The following DCTN1 variants were observed in gnomAD, a reference collection of about 807,000 sequenced individuals.
The protein encoded by DCTN1 is 150 kDa dynein-associated polypeptide.
DCTN1 carries 61 observed loss-of-function variants against 161.2 expected under a neutral mutation model. That is an observed-to-expected ratio of 0.38 (90% CI 0.31 to 0.47). The LOEUF is 0.47. DCTN1 is among the 20% of genes least tolerant of loss of function. DCTN1 has a pLI of 0.99. For synonymous variants in DCTN1, 653 were observed against 632.4 expected (o/e 1.03, Z -0.49); for missense variants, 1,404 against 1,623.7 (o/e 0.86, Z 2.33).
At chr2:74,371,285 G>A (rs1048565096) in intron 8 of DCTN1, 109 bp from the exon 9 acceptor site, 5 of 1,601,426 alleles carry the variant, frequency 3.1e-6, no homozygotes, top group Non-Finnish European at 4.2e-6. Flanking sequence ...CCAGCCCCAG[G>A]GTGGCCAACA....
At chr2:74,390,722 C>T in intron 1 of DCTN1, 1 of 400,966 alleles carries the variant, frequency 2.5e-6, no homozygotes, top group South Asian at 1.8e-5. Context: ...TTAGCATCAC[C>T]TGGGAACTTG....
At chr2:74,391,111 A>C (rs1675976086) in intron 1 of DCTN1, 1 of 152,836 alleles carries the variant, frequency 6.5e-6, no homozygotes, top group Admixed American at 6.5e-5. Flanking sequence ...CTCATAGCTT[A>C]GGCTTTGGCA....
Position 74,368,018 on chromosome 2 carries a change from C to G in DCTN1, c.1968G>C (p.Leu656=). 6.2e-7 allele frequency: 1 copy of G among 1,614,178 alleles called. No individual in the cohort carries two copies. The highest frequency in any genetic ancestry group is 1.1e-5 in the South Asian group (1 of 91,082). ...AGEQLSFAAG[L]VYSLSLLQAT... ...CCTGCAGCAGGCTCAGCGAGTACAC[C>G]AGTCCAGCAGCAAAGCTGAGTTGCT... Residue 656 remains leucine, a synonymous_variant, in exon 17 of 32, where the codon CTG becomes CTC. Coordinates refer to ENST00000628224, the MANE Select transcript of DCTN1 (RefSeq NM_004082.5).
chr2:74,380,473 C>T (rs1268990071), upstream of DCTN1: 3 of 476,856 alleles, frequency 6.3e-6, no homozygotes, highest in Non-Finnish European at 1.3e-5. Flanking sequence ...AGTCTTGACA[C>T]GTCCTCCTAG....
In DCTN1 at chr2:74,363,077, T is replaced by C. The variant is rs1418527795; in HGVS notation, c.3446A>G (p.Tyr1149Cys). 6 of 1,613,874 alleles carry C rather than the reference T, an allele frequency of 3.7e-6. No individual in the cohort carries two copies. The African/African-American group carries it at 8.0e-5, about 22-fold the overall frequency. ...PGSELPAGAL[Y>C]RKTSQLLETL... ...CTCCAGCAGCTGGCTGGTCTTACGA[T>C]ACAGCGCTCCAGCTGGTAACTCACT... The change falls in exon 29 of 32, where the codon TAT becomes TGT. Residue 1149 changes from tyrosine to cysteine, a missense_variant. By Grantham distance (194) the Tyr-to-Cys change is radical. This residue lies in a region of DCTN1 where 311 missense variants were observed against 298.9 expected (regional missense o/e 1.04). Coordinates refer to ENST00000628224, the MANE Select transcript of DCTN1 (RefSeq NM_004082.5).
rs2268425 is a variant in DCTN1, at chr2:74,368,356, G to A, written c.1855-225C>T. ...GGATGTGAAAATGAAAGGGTAGTGG[G>A]ACCGGTGGAATCAAGGTCTTTCCTG... On this transcript the variant is annotated intron_variant, in intron 16 of 31. Coordinates refer to ENST00000628224, the MANE Select transcript of DCTN1 (RefSeq NM_004082.5). 27,145 of 644,956 alleles carry A rather than the reference G, an allele frequency of 0.042. 1,012 individuals carry two copies. The highest frequency in any genetic ancestry group is 0.18 in the East Asian group (6,388 of 35,658). The allele number at this position is 644,956 out of a possible 1,614,324, so 40.0% of individuals were successfully genotyped here.
chr2:74,363,696 C>G, intron 26 of DCTN1, 68 bp from the exon 27 acceptor site: 1 of 1,598,216 alleles, frequency 6.3e-7, no homozygotes, highest in South Asian at 1.1e-5. Flanking sequence ...TTGGGGGTTA[C>G]GGGGACACAC....
At chr2:74,386,745 ATC>A (rs1308584261) in intron 1 of DCTN1, 1 of 152,162 alleles carries the variant, frequency 6.6e-6, no homozygotes, top group African/African-American at 2.4e-5. Context: ...ATATGTCATT[ATC>A]TCTTTCTTCC....
exon 1 of DCTN1, chr2:74,391,865 GCCCCGCCCT>G (rs542389912): frequency 1.5e-5 from 7 of 452,642 alleles, no homozygotes; most frequent in South Asian, 6.2e-5. Context: ...TGCGGGGCCG[GCCCCGCCCT>G]CCCCGCCCTC....
chr2:74,363,882 G>A, intron 26 of DCTN1: 1 of 585,944 alleles, frequency 1.7e-6, no homozygotes, highest in Non-Finnish European at 3.1e-6. Flanking sequence ...GTGGCAAAGA[G>A]AGTGTGCACT....
chr2:74,367,023 A>G, intron 20 of DCTN1, 22 bp downstream of exon 20: 1 of 1,614,212 alleles, frequency 6.2e-7, no homozygotes, highest in Admixed American at 1.7e-5. Flanking sequence ...AGGAGCTCAC[A>G]CAGATCTAGA....
chr2:74,363,304 C>T lies in DCTN1; in HGVS notation c.3335G>A (p.Ser1112Asn), dbSNP rs767781038. ...LHISQLQHEN[S>N]ILKGAQMKAS... Reference sequence around the variant, plus strand: ...CCGTGGCTCCCTCACCTTGAGGATGCTGTTCTCATGCTGGAGCTGGGAGAT... The same window carrying T: ...CCGTGGCTCCCTCACCTTGAGGATGTTGTTCTCATGCTGGAGCTGGGAGAT... Residue 1112 changes from serine to asparagine, a missense_variant, in exon 28 of 32, where the codon AGC becomes AAC. Ser to Asn is a conservative substitution (Grantham distance 46). Around this residue, in one of 9 missense-constraint regions of DCTN1, gnomAD observed 311 missense variants for 298.9 expected, o/e 1.04. Transcript: ENST00000628224. The T allele has an allele frequency of 6.2e-7, 1 of 1,614,026 alleles. No individual in the cohort carries two copies. The highest frequency in any genetic ancestry group is 2.2e-5 in the East Asian group (1 of 44,880).
At chr2:74,366,053 G>A in intron 23 of DCTN1, 35 bp from the exon 24 acceptor site, 16 of 1,614,024 alleles carry the variant, frequency 9.9e-6, no homozygotes, top group Non-Finnish European at 1.4e-5. Flanking sequence ...AGAAAGTGAG[G>A]GTGGAGAGAA....
intron 16 of DCTN1, 168 bp from the exon 17 acceptor site, chr2:74,368,299 G>C: frequency 1.1e-6 from 1 of 874,126 alleles, no homozygotes; most frequent in Non-Finnish European, 1.8e-6. Flanking sequence ...GGAAAGGGTA[G>C]TGATGTGATT....
chr2:74,369,500 C>T lies in DCTN1; in HGVS notation c.1393-9G>A. Reference sequence around the variant, plus strand: ...ATCTCATTCATCGCTTCCTAGGACACCACACCATAGTTTGGGCTAAAGAAA... The same window carrying T: ...ATCTCATTCATCGCTTCCTAGGACATCACACCATAGTTTGGGCTAAAGAAA... On this transcript the variant is annotated splice_polypyrimidine_tract_variant and intron_variant, in intron 13 of 31. Coordinates refer to ENST00000628224, the MANE Select transcript of DCTN1 (RefSeq NM_004082.5). This position sits in a 1 kb window ranked among gnomAD's most constrained non-coding sequence, Gnocchi z 4.9. 1 of 1,611,392 alleles carries T rather than the reference C, an allele frequency of 6.2e-7. No homozygotes were observed. The highest frequency in any genetic ancestry group is 8.5e-7 in the Non-Finnish European group (1 of 1,179,944).
intron 1 of DCTN1, 116 bp downstream of exon 1, chr2:74,379,889 G>C: frequency 9.4e-7 from 1 of 1,066,534 alleles, no homozygotes; most frequent in Non-Finnish European, 1.4e-6. Context: ...AACACAGTCT[G>C]AGTGCCCTCA....
At chr2:74,381,815 T>C (rs547825059), upstream of DCTN1, among the ~76,000 whole-genome samples, 17 of 152,324 alleles carry the variant, frequency 1.1e-4, no homozygotes, top group African/African-American at 3.8e-4. Context: ...TCGTGAGGAT[T>C]AGCTGAGATA....
At chr2:74,362,216 CAG>C in intron 30 of DCTN1, 75 bp from the exon 31 acceptor site, 1 of 1,347,818 alleles carries the variant, frequency 7.4e-7, no homozygotes, top group Non-Finnish European at 1.1e-6. Flanking sequence ...CGTGGTTTCA[CAG>C]AGACACTAAT....
chr2:74,366,092 G>C, intron 23 of DCTN1, 74 bp from the exon 24 acceptor site: 1 of 1,612,940 alleles, frequency 6.2e-7, no homozygotes, highest in Non-Finnish European at 8.5e-7. Context: ...CTTACAGAGA[G>C]ATCCAGTTAC....
Sources: gnomAD v4.1 joint callset for allele counts (sites outside exome capture counted in the v4.1 genomes callset) on GRCh38, gnomAD v4.1.1 for gene constraint, gnomAD v4.1.1 regional missense constraint, Gnocchi (gnomAD v3.1) non-coding constraint, MANE v1.5 for transcripts, NCBI Gene and HGNC (gene_info 2026-07-23, HGNC 2026-07-21) for gene names.